The following NRXN1 variants were observed in gnomAD, a reference collection of about 807,000 sequenced individuals.
The protein encoded by NRXN1 is neurexin-1.
A neutral mutation model predicts 150.9 loss-of-function variants in NRXN1; 39 were observed. The observed-to-expected ratio is 0.26, with a 90% CI of 0.20 to 0.34. The LOEUF (loss-of-function observed/expected upper bound fraction) is 0.34. Ranked by LOEUF, NRXN1 falls within the 10% of genes least tolerant of loss-of-function variation. The pLI is 1.00. For synonymous variants in NRXN1, 924 were observed against 757.0 expected, an observed-to-expected ratio of 1.22 and a Z score of -3.62; for missense variants, 1,815 against 1,949.9, an observed-to-expected ratio of 0.93 and a Z score of 1.30.
intron 12 of NRXN1, among the ~76,000 whole-genome samples, chr2:50,521,714 T>C (rs886440046): frequency 1.3e-5 from 2 of 152,142 alleles, no homozygotes; most frequent in Non-Finnish European, 1.5e-5. Flanking sequence ...CTGAAAACAA[T>C]TTTCAGTCAG....
At chr2:50,843,551 C>T (rs1370295984) in intron 5 of NRXN1, among the ~76,000 whole-genome samples, 1 of 152,190 alleles carries the variant, frequency 6.6e-6, no homozygotes, top group East Asian at 1.9e-4. Context: ...GTCCCACTTG[C>T]CATTTCATTT....
At chr2:50,288,972 C>T (rs902080496) in intron 17 of NRXN1, among the ~76,000 whole-genome samples, 13 of 149,938 alleles carry the variant, frequency 8.7e-5, no homozygotes, top group African/African-American at 2.2e-4. Context: ...AACAATTGAG[C>T]GGCTATAAGA....
In NRXN1 at chr2:50,122,589, A is replaced by G. The variant is rs1704012954; in HGVS notation, c.3547-31095T>C. On this transcript the variant is annotated intron_variant, in intron 18 of 22. Coordinates refer to ENST00000401669, the MANE Select transcript of NRXN1 (RefSeq NM_001330078.2). ...CATCTGACATCACCTCCTCACATGG[A>G]AGAAGTGTGCATAGAAACACCTAGC... 2.0e-5 allele frequency among the ~76,000 whole-genome samples: 3 copies of G among 152,240 alleles called. No homozygotes were observed. The South Asian group carries it at 6.2e-4, about 31-fold the overall frequency.
At chr2:49,926,731 C>G (rs1042739060) in intron 22 of NRXN1, among the ~76,000 whole-genome samples, 2 of 152,080 alleles carry the variant, frequency 1.3e-5, no homozygotes, top group African/African-American at 4.8e-5. Context: ...AGGAAATCGC[C>G]CTATGTATTA....
intron 2 of NRXN1, among the ~76,000 whole-genome samples, chr2:50,957,760 T>C (rs561760994): frequency 6.6e-6 from 1 of 152,256 alleles, no homozygotes; most frequent in South Asian, 2.1e-4. Context: ...TCTTGTAAAA[T>C]ATTGTTTTTT....
intron 19 of NRXN1, among the ~76,000 whole-genome samples, chr2:50,083,666 C>T (rs1222891557): frequency 6.6e-6 from 1 of 152,184 alleles, no homozygotes; most frequent in Non-Finnish European, 1.5e-5. Flanking sequence ...CCACATCCTG[C>T]TGATCGGTCC....
intron 22 of NRXN1, among the ~76,000 whole-genome samples, chr2:49,934,883 A>G (rs1350818147): frequency 2.6e-5 from 4 of 152,202 alleles, no homozygotes; most frequent in African/African-American, 9.7e-5. Flanking sequence ...TCCTCCTACC[A>G]TAGGAACCTA....
intron 5 of NRXN1, among the ~76,000 whole-genome samples, chr2:50,920,214 T>C (rs531680459): frequency 5.3e-5 from 8 of 151,876 alleles, no homozygotes; most frequent in Non-Finnish European, 1.2e-4. Flanking sequence ...GTCTTTGTGC[T>C]GATTGAGGAA....
chr2:50,585,762 G>A (rs1157705848), intron 8 of NRXN1, among the ~76,000 whole-genome samples: 3 of 152,044 alleles, frequency 2.0e-5, no homozygotes, highest in African/African-American at 7.2e-5. Context: ...TTTTGATGGG[G>A]CCTCAGTCAA....
chr2:50,704,139 G>A (rs1694124026), intron 5 of NRXN1, among the ~76,000 whole-genome samples: 1 of 151,816 alleles, frequency 6.6e-6, no homozygotes, highest in Non-Finnish European at 1.5e-5. Flanking sequence ...ACAGCTGGTG[G>A]CCAATATTAT....
chr2:50,477,494 A>T (rs983852029), intron 15 of NRXN1, among the ~76,000 whole-genome samples: 1 of 152,182 alleles, frequency 6.6e-6, no homozygotes, highest in Non-Finnish European at 1.5e-5. Flanking sequence ...CAGACAAATG[A>T]CGCGGTAGAG....
chr2:50,481,174 C>A (rs142945115), intron 15 of NRXN1, among the ~76,000 whole-genome samples: 9 of 152,212 alleles, frequency 5.9e-5, no homozygotes, highest in African/African-American at 2.2e-4. Flanking sequence ...CAGACTGACA[C>A]GCACATGTAC....
intron 5 of NRXN1, among the ~76,000 whole-genome samples, chr2:50,759,975 C>A (rs770914369): frequency 6.6e-6 from 1 of 151,670 alleles, no homozygotes; most frequent in Non-Finnish European, 1.5e-5. Context: ...CTGATCAAAT[C>A]TTAGGAAGCT....
intron 18 of NRXN1, among the ~76,000 whole-genome samples, chr2:50,133,466 T>C (rs1324501501): frequency 2.0e-5 from 3 of 152,198 alleles, no homozygotes; most frequent in Non-Finnish European, 2.9e-5. Context: ...GCCACACCCA[T>C]TTGACACCCA....
Position 49,995,285 on chromosome 2 carries a change from CCTT to C in NRXN1, c.4129-51497_4129-51495del, listed in dbSNP as rs376504566. Among the ~76,000 whole-genome samples the C allele has an allele frequency of 2.9e-3, 441 of 152,242 alleles. 1 individual carries two copies. The highest frequency in any genetic ancestry group is 6.1e-3 in the Admixed American group (93 of 15,294). ...ATTGAAATGAATGTTTTATAAAAAA[CCTT>C]CTTTTACTTTTTAAAAACTGAATTT... On this transcript the variant is annotated intron_variant, in intron 21 of 22. Coordinates refer to ENST00000401669, the MANE Select transcript of NRXN1 (RefSeq NM_001330078.2).
At chr2:50,865,910 G>C (rs1676873906) in intron 5 of NRXN1, among the ~76,000 whole-genome samples, 1 of 151,332 alleles carries the variant, frequency 6.6e-6, no homozygotes, top group Admixed American at 6.6e-5. Context: ...TAAGGAAATA[G>C]AGGATTAAAT....
chr2:50,999,187 C>T (rs1699716728), intron 2 of NRXN1, among the ~76,000 whole-genome samples: 1 of 151,984 alleles, frequency 6.6e-6, no homozygotes, highest in Admixed American at 6.6e-5. Flanking sequence ...AAAGCAGATA[C>T]CTCTTTAGCT....
chr2:50,845,274 T>C (rs1232244269), intron 5 of NRXN1, among the ~76,000 whole-genome samples: 1 of 152,204 alleles, frequency 6.6e-6, no homozygotes, highest in Non-Finnish European at 1.5e-5. Context: ...AAAACCATTA[T>C]GATAATGAGC....
intron 12 of NRXN1, among the ~76,000 whole-genome samples, chr2:50,525,768 G>C (rs1383021789): frequency 6.6e-6 from 1 of 152,118 alleles, no homozygotes; most frequent in Non-Finnish European, 1.5e-5. Flanking sequence ...ATGAAAAGAG[G>C]CTCTCTTCTT....
Sources: gnomAD v4.1 joint callset for allele counts (sites outside exome capture counted in the v4.1 genomes callset) on GRCh38, gnomAD v4.1.1 for gene constraint, MANE v1.5 for transcripts, NCBI Gene and HGNC (gene_info 2026-07-23, HGNC 2026-07-21) for gene names.